The following SLC44A5 variants were observed in gnomAD, a reference collection of about 807,000 sequenced individuals.
SLC44A5 encodes the protein solute carrier family 44 member 5.
A neutral mutation model predicts 101.8 loss-of-function variants in SLC44A5; 57 were observed. The ratio of observed to expected loss-of-function variants is 0.56; its 90% CI spans 0.45 to 0.70. SLC44A5 has a LOEUF of 0.70. SLC44A5 is among the 30% of genes least tolerant of loss of function. The probability of loss-of-function intolerance (pLI) is 0.00; values close to 1 mark genes in which losing one functional copy is unlikely to be tolerated. For missense variants in SLC44A5, 737 were observed against 853.1 expected, an observed-to-expected ratio of 0.86 and a Z score of 1.70; for synonymous variants, 281 against 290.9, an observed-to-expected ratio of 0.97 and a Z score of 0.35.
chr1:75,294,314 T>TA (rs1260179659), intron 5 of SLC44A5, among the ~76,000 whole-genome samples: 1 of 152,094 alleles, frequency 6.6e-6, no homozygotes, highest in Admixed American at 6.5e-5. Context: ...ATGGTTATTA[T>TA]AAAAAAGACA....
At chr1:75,229,796 G>T (rs1327405075) in intron 12 of SLC44A5, among the ~76,000 whole-genome samples, 1 of 152,188 alleles carries the variant, frequency 6.6e-6, no homozygotes, top group African/African-American at 2.4e-5. Flanking sequence ...GTACACAGCA[G>T]CTGTTCAATT....
At chr1:75,310,625 T>TTTTAAACAATA (rs1655224099) in intron 4 of SLC44A5, among the ~76,000 whole-genome samples, 1 of 152,248 alleles carries the variant, frequency 6.6e-6, no homozygotes, top group Non-Finnish European at 1.5e-5. Context: ...CTGAGATTTA[T>TTTTAAACAATA]TTTAAACAAT....
At chr1:75,659,443 G>GGGAGGGAGGGAAGGAA in the SLC44A5 span, among the ~76,000 whole-genome samples, 3 of 61,096 alleles carry the variant, frequency 4.9e-5, no homozygotes, top group Admixed American at 3.2e-4. Flanking sequence ...GAGGGAGGGA[G>GGGAGGGAGGGAAGGAA]GGAAGGAAGG....
At chr1:75,679,598 A>T in the SLC44A5 span, among the ~76,000 whole-genome samples, 1 of 152,036 alleles carries the variant, frequency 6.6e-6, no homozygotes, top group Non-Finnish European at 1.5e-5. Context: ...GCCCTAAAAG[A>T]GCTCCTGAAG....
the SLC44A5 span, among the ~76,000 whole-genome samples, chr1:75,723,169 G>A: frequency 4.6e-5 from 7 of 152,168 alleles, no homozygotes; most frequent in Non-Finnish European, 8.8e-5. Flanking sequence ...TAGGGTGCAC[G>A]TGTCAGGTTA....
At chr1:75,492,497 A>G (rs548592824) in intron 2 of SLC44A5, among the ~76,000 whole-genome samples, 64 of 152,364 alleles carry the variant, frequency 4.2e-4, no homozygotes, top group African/African-American at 1.4e-3. Flanking sequence ...TAAAGATTAA[A>G]AAATGAAAAG....
the SLC44A5 span, among the ~76,000 whole-genome samples, chr1:75,681,905 C>T: frequency 6.6e-6 from 1 of 152,214 alleles, no homozygotes; most frequent in Admixed American, 6.6e-5. Flanking sequence ...GCAACTTCAG[C>T]AAAGTCTCAG....
In SLC44A5 at chr1:75,291,076, G is replaced by A. The variant is rs116439572; in HGVS notation, c.175+9536C>T. 9.6e-3 allele frequency among the ~76,000 whole-genome samples: 1,464 copies of A among 152,140 alleles called. 31 individuals carry two copies. The highest frequency in any genetic ancestry group is 0.033 in the African/African-American group (1,387 of 41,520). On this transcript the variant is annotated intron_variant, in intron 5 of 23. Transcript: ENST00000370859. ...ACCAAATTACCAAGAAATGAAAGTA[G>A]GCTTTTTATAACACCTGTGGGTTTT...
At chr1:75,688,001 C>A in the SLC44A5 span, among the ~76,000 whole-genome samples, 7 of 152,184 alleles carry the variant, frequency 4.6e-5, no homozygotes, top group African/African-American at 1.7e-4. Context: ...CTTCCTTGTT[C>A]CTCAGAGCTG....
At chr1:75,256,325 G>A (rs1225220278) in intron 6 of SLC44A5, among the ~76,000 whole-genome samples, 2 of 152,104 alleles carry the variant, frequency 1.3e-5, no homozygotes, top group African/African-American at 4.8e-5. Context: ...TAGTATGATT[G>A]AGATGGCAGA....
chr1:75,583,287 T>TCTCATTG (rs1433471847), intron 1 of SLC44A5, among the ~76,000 whole-genome samples: 1 of 152,218 alleles, frequency 6.6e-6, no homozygotes, highest in African/African-American at 2.4e-5. Context: ...CTCATTTGAC[T>TCTCATTG]ATCAGATGCC....
At chr1:75,431,137 C>G (rs925478603) in intron 2 of SLC44A5, among the ~76,000 whole-genome samples, 1 of 152,136 alleles carries the variant, frequency 6.6e-6, no homozygotes, top group African/African-American at 2.4e-5. Flanking sequence ...GGAAAAATCT[C>G]TCCAGTCAAA....
At chr1:75,644,032 C>T in the SLC44A5 span, among the ~76,000 whole-genome samples, 1 of 152,140 alleles carries the variant, frequency 6.6e-6, no homozygotes, top group Non-Finnish European at 1.5e-5. Context: ...TATCTACATC[C>T]TAATTGTTCT....
At chr1:75,531,228 T>C (rs1670704499) in intron 2 of SLC44A5, among the ~76,000 whole-genome samples, 2 of 152,254 alleles carry the variant, frequency 1.3e-5, no homozygotes, top group Non-Finnish European at 2.9e-5. Flanking sequence ...CCTATTTATC[T>C]CTGTTTAATC....
intron 3 of SLC44A5, among the ~76,000 whole-genome samples, chr1:75,368,123 A>G (rs1453341826): frequency 6.6e-6 from 1 of 152,242 alleles, no homozygotes; most frequent in Non-Finnish European, 1.5e-5. Context: ...GAGAATATCA[A>G]TATTACTGAG....
chr1:75,559,276 G>C (rs1443512453), intron 1 of SLC44A5, among the ~76,000 whole-genome samples: 3 of 151,970 alleles, frequency 2.0e-5, no homozygotes, highest in Non-Finnish European at 4.4e-5. Flanking sequence ...AAAAGAAGCA[G>C]AACTGGAATA....
At position 75,412,961 on chromosome 1, in the gene SLC44A5, G is replaced by A. The variant is rs565197097; in HGVS notation, c.14-16340C>T. ...ATCAGAAGGTCAATAGTAGCCTAAT[G>A]CTACATCACAATACCAACATCCTTT... On this transcript the variant is annotated intron_variant, in intron 2 of 23. Transcript: ENST00000370859. Among the ~76,000 whole-genome samples, 3 of 152,168 alleles carry A rather than the reference G, an allele frequency of 2.0e-5. No homozygotes were observed. The South Asian group carries it at 6.2e-4, about 32-fold the overall frequency.
At chr1:75,455,458 T>A (rs919285358) in intron 2 of SLC44A5, among the ~76,000 whole-genome samples, 1 of 151,920 alleles carries the variant, frequency 6.6e-6, no homozygotes, top group East Asian at 1.9e-4. Flanking sequence ...GGCCTTGAGA[T>A]AAAATTTATG....
chr1:75,512,798 G>A (rs1361809986), intron 2 of SLC44A5, among the ~76,000 whole-genome samples: 1 of 151,978 alleles, frequency 6.6e-6, no homozygotes, highest in Non-Finnish European at 1.5e-5. Flanking sequence ...GCCAAAGAGG[G>A]ATGGGAAAGA....
Sources: allele counts gnomAD v4.1 joint callset (sites outside exome capture counted in the v4.1 genomes callset), GRCh38; gene constraint gnomAD v4.1.1; transcripts MANE v1.5; gene names NCBI Gene and HGNC (gene_info 2026-07-23, HGNC 2026-07-21).